ATF6: variants seen among roughly 807,000 people sequenced by gnomAD.
ATF6 encodes the protein cyclic AMP-dependent transcription factor ATF-6 alpha.
Under a neutral mutation model 83.6 loss-of-function variants are expected in ATF6, and 53 were observed. The observed-to-expected ratio is 0.63, with a 90% CI of 0.51 to 0.80. ATF6 has a LOEUF of 0.80. Among genes scored for constraint, ATF6 ranks in the 30% least tolerant of loss-of-function variants. The pLI, the probability that ATF6 is intolerant of heterozygous loss-of-function variation, is 0.00. For synonymous variants in ATF6, 288 were observed against 285.8 expected (o/e 1.01, Z -0.08); for missense variants, 744 against 797.9 (o/e 0.93, Z 0.81).
intron 9 of ATF6, among the ~76,000 whole-genome samples, chr1:161,822,040 G>A (rs1685778246): frequency 6.6e-6 from 1 of 152,204 alleles, no homozygotes; most frequent in Non-Finnish European, 1.5e-5. Context: ...GAATGGTGGT[G>A]CTGTCATCGG....
chr1:161,905,994 G>A (rs933925346), intron 14 of ATF6, among the ~76,000 whole-genome samples: 5 of 151,956 alleles, frequency 3.3e-5, no homozygotes, highest in African/African-American at 4.8e-5. Flanking sequence ...CACCACGCCT[G>A]GCTAATTTTT....
intron 2 of ATF6, 74 bp from the exon 3 acceptor site, chr1:161,781,838 G>A: frequency 1.0e-6 from 1 of 976,692 alleles, no homozygotes; most frequent in Non-Finnish European, 1.5e-6. Flanking sequence ...GTGCCAAATT[G>A]TGTCTCACAG....
At chr1:161,847,393 G>T (rs1235326157) in intron 10 of ATF6, among the ~76,000 whole-genome samples, 1 of 152,056 alleles carries the variant, frequency 6.6e-6, no homozygotes, top group African/African-American at 2.4e-5. Flanking sequence ...CCATACTGTT[G>T]AAAGATGATC....
chr1:161,846,226 A>G (rs1398546580), intron 9 of ATF6, among the ~76,000 whole-genome samples: 1 of 152,202 alleles, frequency 6.6e-6, no homozygotes, highest in Non-Finnish European at 1.5e-5. Context: ...GTTTATAAAT[A>G]AGGTACTTTT....
chr1:161,954,225 C>A (rs1260822290), intron 15 of ATF6, among the ~76,000 whole-genome samples: 2 of 152,148 alleles, frequency 1.3e-5, no homozygotes, highest in Non-Finnish European at 2.9e-5. Context: ...TGACATTCTA[C>A]CACTTCCTTG....
rs1309550569 is a variant in ATF6, at chr1:161,963,389, G to T, written c.*4735G>T. 8 of 152,144 alleles carry T rather than the reference G, an allele frequency of 5.3e-5. No individual in the cohort carries two copies. Among genetic ancestry groups the T allele is most frequent in the African/African-American group, 1.9e-4 (8 of 41,416 alleles). 9.4% of individuals were successfully genotyped at this position (152,144 alleles called of 1,614,324 possible). On this transcript the variant is annotated 3_prime_UTR_variant, in exon 16 of 16. Coordinates refer to ENST00000367942, the MANE Select transcript of ATF6 (RefSeq NM_007348.4). The stretch of plus-strand genomic sequence containing the variant: ...CATGGCCAGCCACTGTCACATAGTG[G>T]GTGCCATTCTCAACATATTGGTTTG...
intron 6 of ATF6, among the ~76,000 whole-genome samples, chr1:161,794,974 A>G (rs1010100395): frequency 2.0e-5 from 3 of 152,208 alleles, no homozygotes; most frequent in Non-Finnish European, 4.4e-5. Flanking sequence ...CCGTTTTTCT[A>G]TCTTGGGGCT....
rs1173656703 is a variant in ATF6, at chr1:161,778,269, T to A, written c.108T>A (p.Gly36=). 1 of 1,613,752 alleles carries A rather than the reference T, an allele frequency of 6.2e-7. No homozygotes were observed. Among genetic ancestry groups the A allele is most frequent in the South Asian group, 1.1e-5 (1 of 91,054 alleles). Residue 36 remains glycine, a synonymous_variant, in exon 2 of 16, where the codon GGT becomes GGA. Transcript: ENST00000367942. ...DWDSALFAEL[G]YFTDTDELQL... ...ATTCTGCTCTCTTTGCTGAACTCGG[T>A]TATTTCACAGACACTGATGAGCTGC...
chr1:161,806,525 A>G (rs1395427494), intron 7 of ATF6, among the ~76,000 whole-genome samples: 1 of 152,226 alleles, frequency 6.6e-6, no homozygotes, highest in East Asian at 1.9e-4. Context: ...AAAGAAAAGT[A>G]TCCAGAACTG....
At chr1:161,890,391 C>A (rs2101868198) in intron 14 of ATF6, among the ~76,000 whole-genome samples, 1 of 152,284 alleles carries the variant, frequency 6.6e-6, no homozygotes, top group South Asian at 2.1e-4. Context: ...ACTTAGGGCT[C>A]CCCAGAAGTG....
intron 15 of ATF6, among the ~76,000 whole-genome samples, chr1:161,922,218 G>A (rs747635646): frequency 3.3e-5 from 5 of 152,158 alleles, no homozygotes; most frequent in African/African-American, 7.2e-5. Flanking sequence ...GAGAACCAGC[G>A]GTGGATTTTC....
chr1:161,786,673 T>C (rs1044496429), intron 4 of ATF6, among the ~76,000 whole-genome samples: 49 of 152,186 alleles, frequency 3.2e-4, no homozygotes, highest in African/African-American at 1.1e-3. Flanking sequence ...CATTTCAGAG[T>C]AAGTTACCAG....
At chr1:161,920,545 C>T (rs527372888) in intron 15 of ATF6, among the ~76,000 whole-genome samples, 12 of 152,142 alleles carry the variant, frequency 7.9e-5, no homozygotes, top group African/African-American at 2.2e-4. Flanking sequence ...CTGCCCGCCT[C>T]GGCCTCCCAA....
intron 9 of ATF6, among the ~76,000 whole-genome samples, chr1:161,824,660 T>C (rs1685849256): frequency 6.6e-6 from 1 of 152,212 alleles, no homozygotes; most frequent in Admixed American, 6.5e-5. Flanking sequence ...AATGAATGTC[T>C]CCCTCACCCA....
intron 9 of ATF6, among the ~76,000 whole-genome samples, chr1:161,833,787 G>A (rs567876359): frequency 5.9e-5 from 9 of 152,282 alleles, no homozygotes; most frequent in African/African-American, 7.2e-5. Context: ...TAATTGGTGC[G>A]CCTGAAAGTG....
At chr1:161,841,743 A>G (rs1158777303) in intron 9 of ATF6, among the ~76,000 whole-genome samples, 1 of 152,210 alleles carries the variant, frequency 6.6e-6, no homozygotes. Flanking sequence ...TGAAATAGCT[A>G]TGGTTAAGGG....
intron 1 of ATF6, among the ~76,000 whole-genome samples, chr1:161,767,001 T>G (rs1684280861): frequency 6.6e-6 from 1 of 152,180 alleles, no homozygotes. Context: ...TAATCCTGAC[T>G]GCTCTCCAGA....
chr1:161,847,364 G>C (rs1481086896), intron 10 of ATF6, among the ~76,000 whole-genome samples: 1 of 152,048 alleles, frequency 6.6e-6, no homozygotes, highest in Admixed American at 6.6e-5. Context: ...CTTTCTTCCT[G>C]ATTTTTACTG....
At chr1:161,876,799 T>C (rs1687225061) in intron 14 of ATF6, among the ~76,000 whole-genome samples, 1 of 152,036 alleles carries the variant, frequency 6.6e-6, no homozygotes, top group South Asian at 2.1e-4. Context: ...ATATCAGTTT[T>C]ATCTTTTCTG....
Sources: gnomAD v4.1 joint callset for allele counts (sites outside exome capture counted in the v4.1 genomes callset) on GRCh38, gnomAD v4.1.1 for gene constraint, MANE v1.5 for transcripts, NCBI Gene and HGNC (gene_info 2026-07-23, HGNC 2026-07-21) for gene names.